MCOLN3: variants seen among roughly 807,000 people sequenced by gnomAD.
MCOLN3 encodes mucolipin TRP cation channel 3.
A neutral mutation model predicts 69.4 loss-of-function variants in MCOLN3; 62 were observed. The ratio of observed to expected loss-of-function variants is 0.89; its 90% CI spans 0.73 to 1.10. The LOEUF is 1.10. Ranked by LOEUF, MCOLN3 falls within the 50% of genes least tolerant of loss-of-function variation. The probability of loss-of-function intolerance (pLI) is 0.00; values close to 1 mark genes in which losing one functional copy is unlikely to be tolerated. For missense variants in MCOLN3, 564 were observed against 656.4 expected (o/e 0.86, Z 1.54); for synonymous variants, 183 against 217.0 (o/e 0.84, Z 1.38).
In MCOLN3 at chr1:85,034,197, T is replaced by C. The variant is rs751359945; in HGVS notation, c.451A>G (p.Thr151Ala). 32 of 1,614,198 alleles carry C rather than the reference T, an allele frequency of 2.0e-5. No individual in the cohort carries two copies. In the Middle Eastern group the frequency reaches 2.0e-3, roughly 100 times the overall value. Residue 151 changes from threonine to alanine, a missense_variant, in exon 4 of 13, where the codon ACC becomes GCC. Physicochemically the swap from Thr to Ala is moderately conservative, Grantham distance 58. Coordinates refer to ENST00000370589, the MANE Select transcript of MCOLN3 (RefSeq NM_018298.11). ...VGNHAYENKGTKQSAMAICQH... is the reference protein window; with the variant it reads ...VGNHAYENKGAKQSAMAICQH... ...CAGATTGCCATAGCAGATTGCTTGG[T>C]ACCTTTGTTCTCATAAGCATGATTC...
chr1:85,031,611 C>T (rs1652525464), intron 6 of MCOLN3, among the ~76,000 whole-genome samples: 2 of 152,094 alleles, frequency 1.3e-5, no homozygotes, highest in Admixed American at 6.5e-5. Context: ...TGCAGACCTG[C>T]ACTGTAAGAA....
At chr1:85,024,647 A>T (rs1428290720) in intron 9 of MCOLN3, 1 of 152,152 alleles carries the variant, frequency 6.6e-6, no homozygotes, top group Non-Finnish European at 1.5e-5. Flanking sequence ...ACATGATATG[A>T]TCATCTATGA....
At position 85,032,243 on chromosome 1, in the gene MCOLN3, G is replaced by A. The variant is rs183308477; in HGVS notation, c.732+453C>T. On this transcript the variant is annotated intron_variant, in intron 6 of 12. Coordinates refer to ENST00000370589, the MANE Select transcript of MCOLN3 (RefSeq NM_018298.11). ...CTGTGTGCAGTGGTATAACTTGAAG[G>A]TAGACTGTAATAAGTTAAAGATGTA... is the stretch of plus-strand genomic sequence containing the variant. 2.0e-5 allele frequency among the ~76,000 whole-genome samples: 3 copies of A among 152,286 alleles called. No individual in the cohort carries two copies. The East Asian group carries it at 5.8e-4, about 29-fold the overall frequency.
intron 1 of MCOLN3, among the ~76,000 whole-genome samples, chr1:85,046,751 A>G (rs1484793269): frequency 1.3e-5 from 2 of 152,206 alleles, no homozygotes; most frequent in Non-Finnish European, 2.9e-5. Context: ...AACTCTTGTT[A>G]ATGAAAAGAT....
chr1:85,025,912 C>T, intron 9 of MCOLN3, 27 bp downstream of exon 9: 1 of 1,573,892 alleles, frequency 6.4e-7, no homozygotes, highest in African/African-American at 1.4e-5. Context: ...CTGACACTAA[C>T]AATAGCATGA....
chr1:85,022,186 T>C lies in MCOLN3; in HGVS notation c.1204A>G (p.Ile402Val), dbSNP rs1368499226. Residue 402 changes from isoleucine (I) to valine (V), a missense_variant, in exon 11 of 13, where the codon ATT (isoleucine) becomes GTT (valine). By Grantham distance (29) the Ile-to-Val change is conservative. Coordinates refer to ENST00000370589, the MANE Select transcript of MCOLN3 (RefSeq NM_018298.11). Reference protein sequence around the residue: ...LGFFAKYNLLILTLQAALPNV... With the variant: ...LGFFAKYNLLVLTLQAALPNV... ...GGCAGCGCTGCCTGAAGGGTCAAAA[T>C]GAGGAGCTGGGAAAGTAAGAGAGGC... 6.2e-7 allele frequency: 1 copy of C among 1,613,898 alleles called. No homozygotes were observed. Among genetic ancestry groups the C allele is most frequent in the South Asian group, 1.1e-5 (1 of 91,058 alleles).
At chr1:85,022,009 C>T in intron 11 of MCOLN3, 61 bp downstream of exon 11, 6 of 1,554,270 alleles carry the variant, frequency 3.9e-6, no homozygotes, top group South Asian at 1.2e-5. Flanking sequence ...AAAAGGATAA[C>T]AAGCCACTGG....
chr1:85,032,818 C>T, intron 5 of MCOLN3, 26 bp from the exon 6 acceptor site: 1 of 1,613,572 alleles, frequency 6.2e-7, no homozygotes, highest in Non-Finnish European at 8.5e-7. Context: ...GATTTTAGTT[C>T]TGTGGCAATA....
intron 9 of MCOLN3, chr1:85,024,534 A>C (rs571300816): frequency 4.6e-5 from 7 of 152,238 alleles, no homozygotes; most frequent in African/African-American, 1.4e-4. Flanking sequence ...GGTTTGTGGA[A>C]ATTCTGTTTT....
chr1:85,045,900 T>C (rs1653324313), intron 1 of MCOLN3, among the ~76,000 whole-genome samples: 1 of 152,206 alleles, frequency 6.6e-6, no homozygotes, highest in Non-Finnish European at 1.5e-5. Flanking sequence ...CCTGGTTCCA[T>C]GACTTGACGT....
At chr1:85,039,445 T>A (rs1652954785) in intron 3 of MCOLN3, among the ~76,000 whole-genome samples, 1 of 152,350 alleles carries the variant, frequency 6.6e-6, no homozygotes, top group Non-Finnish European at 1.5e-5. Flanking sequence ...AGTGGTAAGG[T>A]AAGTGATCTT....
rs1296834866 is a variant in MCOLN3, at chr1:85,038,908, T to C, written c.396+2102A>G. Among the ~76,000 whole-genome samples, 6 of 152,192 alleles carry C rather than the reference T, an allele frequency of 3.9e-5. No individual in the cohort carries two copies. In the East Asian group the frequency reaches 5.8e-4, roughly 15 times the overall value. On this transcript the variant is annotated intron_variant, in intron 3 of 12. Coordinates refer to ENST00000370589, the MANE Select transcript of MCOLN3 (RefSeq NM_018298.11). Reference sequence around the variant, plus strand: ...TACTCAGGAGGCTGAGATGGGAGAATTGCTTGAGCGCAGGAGGCAGAGGTT... The same window carrying C: ...TACTCAGGAGGCTGAGATGGGAGAACTGCTTGAGCGCAGGAGGCAGAGGTT...
chr1:85,032,008 G>A (rs537359557), intron 6 of MCOLN3, among the ~76,000 whole-genome samples: 8 of 152,140 alleles, frequency 5.3e-5, no homozygotes, highest in Non-Finnish European at 7.4e-5. Flanking sequence ...CCCGGGAGGC[G>A]GAGCTTGCAG....
At position 85,022,299 on chromosome 1, in the gene MCOLN3, G is replaced by C; in HGVS notation, c.1197C>G (p.Asn399Lys). The C allele has an allele frequency of 1.2e-6, 2 of 1,613,684 alleles. No homozygotes were observed. The highest frequency in any genetic ancestry group is 2.2e-5 in the South Asian group (2 of 91,062). ...CATGGAGATCCGTGGAATTCCTTAC[G>C]TTGTACTTTGCAAAGAAACCGAGGT... ...IRYLGFFAKYNLLILTLQAAL... is the reference protein window; with the variant it reads ...IRYLGFFAKYKLLILTLQAAL... Residue 399 changes from asparagine to lysine, a missense_variant and splice_region_variant, in exon 10 of 13, where the codon AAC (asparagine) becomes AAG (lysine). Coordinates refer to ENST00000370589, the MANE Select transcript of MCOLN3 (RefSeq NM_018298.11).
intron 9 of MCOLN3, chr1:85,025,547 C>G (rs1470609941): frequency 2.3e-5 from 4 of 176,050 alleles, no homozygotes; most frequent in Non-Finnish European, 3.5e-5. Context: ...CCCTATAGCC[C>G]CACTCATTTT....
At chr1:85,024,798 T>C (rs1032896276) in intron 9 of MCOLN3, 1 of 152,174 alleles carries the variant, frequency 6.6e-6, no homozygotes, top group Non-Finnish European at 1.5e-5. Flanking sequence ...TTTGGTTTTT[T>C]ATTTGTCCCT....
chr1:85,034,477 C>A (rs112475387), intron 3 of MCOLN3, among the ~76,000 whole-genome samples: 14 of 152,248 alleles, frequency 9.2e-5, no homozygotes, highest in African/African-American at 3.4e-4. Flanking sequence ...ACTTTCTGAC[C>A]TTCTAGTTCC....
At chr1:85,039,562 A>G (rs1652959814) in intron 3 of MCOLN3, among the ~76,000 whole-genome samples, 1 of 152,352 alleles carries the variant, frequency 6.6e-6, no homozygotes, top group South Asian at 2.1e-4. Context: ...GACAACTAGA[A>G]TAAAGCAGGT....
intron 2 of MCOLN3, among the ~76,000 whole-genome samples, chr1:85,042,790 T>C (rs1341378633): frequency 6.6e-6 from 1 of 152,190 alleles, no homozygotes; most frequent in Non-Finnish European, 1.5e-5. Flanking sequence ...AAATCTCCAG[T>C]TTAACAGAAG....
Sources: gnomAD v4.1 joint callset for allele counts (sites outside exome capture counted in the v4.1 genomes callset) on GRCh38, gnomAD v4.1.1 for gene constraint, MANE v1.5 for transcripts, NCBI Gene and HGNC (gene_info 2026-07-23, HGNC 2026-07-21) for gene names.